NT5DC1: variants seen among roughly 807,000 people sequenced by gnomAD.
The protein encoded by NT5DC1 is 5'-nucleotidase domain containing 1.
Under a neutral mutation model 59.4 loss-of-function variants are expected in NT5DC1, and 42 were observed. That is an observed-to-expected ratio of 0.71 (90% CI 0.55 to 0.92). The LOEUF (loss-of-function observed/expected upper bound fraction) is 0.92, where lower values mean the gene tolerates loss of function less well. Among genes scored for constraint, NT5DC1 ranks in the 40% least tolerant of loss-of-function variants. The pLI is 0.00. For synonymous variants in NT5DC1, 172 were observed against 188.1 expected, an observed-to-expected ratio of 0.91 and a Z score of 0.70; for missense variants, 501 against 537.1, an observed-to-expected ratio of 0.93 and a Z score of 0.66.
At chr6:116,126,452 C>T (rs1349186670) in intron 6 of NT5DC1, among the ~76,000 whole-genome samples, 3 of 152,072 alleles carry the variant, frequency 2.0e-5, no homozygotes, top group Non-Finnish European at 4.4e-5. Context: ...TTGAAAAGCA[C>T]ATTCTTATGT....
intron 1 of NT5DC1, 55 bp downstream of exon 1, chr6:116,101,078 C>T (rs1778636485): frequency 7.6e-7 from 1 of 1,313,046 alleles, no homozygotes; most frequent in Non-Finnish European, 1.1e-6. Context: ...GCGGCTGGGG[C>T]TTGAGTTTCC....
At chr6:116,115,558 G>A (rs1282984298) in intron 4 of NT5DC1, 133 bp from the exon 5 acceptor site, 1 of 435,056 alleles carries the variant, frequency 2.3e-6, no homozygotes. Context: ...CAATAATGGT[G>A]CCACTTTGAA....
At chr6:116,107,216 A>G (rs1778783394) in intron 2 of NT5DC1, among the ~76,000 whole-genome samples, 1 of 147,748 alleles carries the variant, frequency 6.8e-6, no homozygotes, top group Admixed American at 6.8e-5. Context: ...CATGAAAAAT[A>G]CCTACATTAT....
At chr6:116,163,649 T>C (rs1339944388) in intron 6 of NT5DC1, among the ~76,000 whole-genome samples, 1 of 152,168 alleles carries the variant, frequency 6.6e-6, no homozygotes, top group African/African-American at 2.4e-5. Context: ...ATTTCTTTAC[T>C]TCTGCTAGTT....
In NT5DC1 at chr6:116,120,664, G is replaced by C; in HGVS notation, c.529+2719G>C. The stretch of plus-strand genomic sequence containing the variant: ...CTGGTGGCCCGGTGGGTCCATTGAG[G>C]CCCTTAGTTGCTATGCCAGCTGGGC... On this transcript the variant is annotated intron_variant, in intron 6 of 11. Coordinates refer to ENST00000319550, the MANE Select transcript of NT5DC1 (RefSeq NM_152729.3). 3 of 1,544,886 alleles carry C rather than the reference G, an allele frequency of 1.9e-6. No homozygotes were observed. In the African/African-American group the frequency reaches 4.2e-5, roughly 21 times the overall value.
At chr6:116,151,143 C>CT (rs1780027542) in intron 6 of NT5DC1, among the ~76,000 whole-genome samples, 2 of 152,160 alleles carry the variant, frequency 1.3e-5, no homozygotes, top group African/African-American at 2.4e-5. Context: ...GCTCAGCCTT[C>CT]TTTTTGCTTC....
intron 6 of NT5DC1, among the ~76,000 whole-genome samples, chr6:116,175,051 A>G (rs773576657): frequency 1.3e-5 from 2 of 152,208 alleles, no homozygotes; most frequent in Non-Finnish European, 2.9e-5. Context: ...TGTTTTAAAA[A>G]TTAAGGAATT....
At chr6:116,159,417 C>T (rs981793652) in intron 6 of NT5DC1, among the ~76,000 whole-genome samples, 1 of 151,970 alleles carries the variant, frequency 6.6e-6, no homozygotes, top group African/African-American at 2.4e-5. Flanking sequence ...CATTTTCTAC[C>T]CATTCCTTTG....
chr6:116,114,452 T>C (rs1157337630), intron 4 of NT5DC1, among the ~76,000 whole-genome samples: 1 of 141,388 alleles, frequency 7.1e-6, no homozygotes, highest in Non-Finnish European at 1.5e-5. Flanking sequence ...GCTTAGAATA[T>C]GCTGAACACT....
chr6:116,226,412 GT>G (rs71718646), intron 8 of NT5DC1, among the ~76,000 whole-genome samples: 3,727 of 151,724 alleles, frequency 0.025, 142 homozygotes, highest in African/African-American at 0.084. Context: ...AATATACCAA[GT>G]TTTTTTTAAC....
chr6:116,115,226 A>G (rs2114260770), intron 4 of NT5DC1, among the ~76,000 whole-genome samples: 1 of 81,064 alleles, frequency 1.2e-5, no homozygotes, highest in South Asian at 3.0e-4. Flanking sequence ...TTTTCACATT[A>G]TACTGAAATT....
At chr6:116,200,000 G>T (rs953231368) in intron 6 of NT5DC1, among the ~76,000 whole-genome samples, 9 of 90,948 alleles carry the variant, frequency 9.9e-5, no homozygotes, top group Non-Finnish European at 1.6e-4. Flanking sequence ...TATGGAAAGT[G>T]GGGGGGGAAG....
At chr6:116,238,933 T>C in intron 10 of NT5DC1, 22 bp from the exon 11 acceptor site, 24 of 1,454,364 alleles carry the variant, frequency 1.7e-5, no homozygotes, top group Non-Finnish European at 1.7e-5. Context: ...ACCATTTTAA[T>C]TATTCTGTTC....
At chr6:116,128,396 T>C (rs1779378497) in intron 6 of NT5DC1, among the ~76,000 whole-genome samples, 1 of 152,170 alleles carries the variant, frequency 6.6e-6, no homozygotes, top group South Asian at 2.1e-4. Context: ...TACTTGTAGC[T>C]GTTTGAAGTG....
At chr6:116,138,081 A>G (rs959436237) in intron 6 of NT5DC1, among the ~76,000 whole-genome samples, 4 of 152,182 alleles carry the variant, frequency 2.6e-5, no homozygotes, top group African/African-American at 4.8e-5. Context: ...CTGCTCAAAA[A>G]AAAAGAAAAG....
chr6:116,171,892 A>G (rs2114452935), intron 6 of NT5DC1, among the ~76,000 whole-genome samples: 1 of 152,348 alleles, frequency 6.6e-6, no homozygotes, highest in South Asian at 2.1e-4. Context: ...TTCTATATAC[A>G]GGGAAGTTTA....
At chr6:116,228,262 A>C (rs1335913650) in intron 8 of NT5DC1, among the ~76,000 whole-genome samples, 1 of 151,750 alleles carries the variant, frequency 6.6e-6, no homozygotes, top group African/African-American at 2.4e-5. Context: ...TAATCCCACC[A>C]CTTTGGGAGG....
At chr6:116,219,903 AG>A (rs1781760948) in intron 6 of NT5DC1, among the ~76,000 whole-genome samples, 1 of 139,706 alleles carries the variant, frequency 7.2e-6, no homozygotes, top group Non-Finnish European at 1.5e-5. Flanking sequence ...CGGAGGTTGC[AG>A]TTAGCCAGAG....
rs918618296 is a variant in NT5DC1, at chr6:116,247,317, A to C, written c.*3293A>C. The C allele has an allele frequency of 6.6e-6, 1 of 152,190 alleles. No homozygotes were observed. The highest frequency in any genetic ancestry group is 1.5e-5 in the Non-Finnish European group (1 of 68,018). 9.4% of individuals were successfully genotyped at this position (152,190 alleles called of 1,614,324 possible). ...TATAAAACTTACCTAGGAAAGTAAA[A>C]TAGAGATCCAAGAATCAGGAGTCCT... On this transcript the variant is annotated 3_prime_UTR_variant, in exon 12 of 12. Coordinates refer to ENST00000319550, the MANE Select transcript of NT5DC1 (RefSeq NM_152729.3).
Sources: gnomAD v4.1 joint callset for allele counts (sites outside exome capture counted in the v4.1 genomes callset) on GRCh38, gnomAD v4.1.1 for gene constraint, MANE v1.5 for transcripts, NCBI Gene and HGNC (gene_info 2026-07-23, HGNC 2026-07-21) for gene names.